MMP16: variants seen among roughly 807,000 people sequenced by gnomAD.
The protein encoded by MMP16 is matrix metallopeptidase 16, also known as matrix metalloproteinase-16.
Under a neutral mutation model 67.8 loss-of-function variants are expected in MMP16, and 12 were observed. The ratio of observed to expected loss-of-function variants is 0.18; its 90% CI spans 0.11 to 0.29. MMP16 has a LOEUF of 0.29. Ranked by LOEUF, MMP16 falls within the 10% of genes least tolerant of loss-of-function variation. The probability of loss-of-function intolerance (pLI) is 1.00; values close to 1 mark genes in which losing one functional copy is unlikely to be tolerated. For synonymous variants in MMP16, 249 were observed against 255.9 expected, an observed-to-expected ratio of 0.97 and a Z score of 0.26; for missense variants, 475 against 765.7, an observed-to-expected ratio of 0.62 and a Z score of 4.48.
At chr8:88,061,613 T>C (rs1808401399) in intron 7 of MMP16, among the ~76,000 whole-genome samples, 1 of 152,056 alleles carries the variant, frequency 6.6e-6, no homozygotes, top group Non-Finnish European at 1.5e-5. Flanking sequence ...CCCTGGTGCA[T>C]GGAGCAGGAG....
At position 88,038,691 on chromosome 8, in the gene MMP16, T is replaced by G. The variant is rs1808088860; in HGVS notation, c.*2770A>C. ...AACCCTCCCACAAGCAAACACTGTA[T>G]AAACGAGCTTATGTATATAGTCCTC... On this transcript the variant is annotated 3_prime_UTR_variant, in exon 10 of 10. Transcript: ENST00000286614. The surrounding 1 kb of genome is among the most constrained non-coding windows in gnomAD (Gnocchi z 4.1). 6.6e-6 allele frequency: 1 copy of G among 152,552 alleles called. No individual in the cohort carries two copies. Among genetic ancestry groups the G allele is most frequent in the African/African-American group, 2.4e-5 (1 of 41,438 alleles). The allele number at this position is 152,552 out of a possible 1,614,324, so 9.4% of individuals were successfully genotyped here. A position where few individuals can be genotyped will look rare whatever the true frequency, so the allele number is the denominator to read the frequency against.
At chr8:88,110,974 A>G (rs948823702) in intron 6 of MMP16, among the ~76,000 whole-genome samples, 2 of 151,716 alleles carry the variant, frequency 1.3e-5, no homozygotes, top group Non-Finnish European at 2.9e-5. Flanking sequence ...AGATATACTT[A>G]GCAAATATTT....
intron 1 of MMP16, among the ~76,000 whole-genome samples, chr8:88,236,726 G>A (rs927135030): frequency 3.3e-5 from 5 of 151,988 alleles, no homozygotes; most frequent in Non-Finnish European, 7.4e-5. Context: ...TCCAGCCTGG[G>A]TAAAAAGCGA....
At chr8:88,277,809 T>C (rs533473501) in intron 1 of MMP16, among the ~76,000 whole-genome samples, 16 of 152,344 alleles carry the variant, frequency 1.1e-4, no homozygotes, top group Middle Eastern at 3.4e-3. Flanking sequence ...ATTAGCTCTA[T>C]ATCATTGGGT....
At chr8:88,325,902 T>C (rs999415241) in intron 1 of MMP16, among the ~76,000 whole-genome samples, 2 of 152,202 alleles carry the variant, frequency 1.3e-5, no homozygotes, top group Admixed American at 1.3e-4. Flanking sequence ...AGAATATGCC[T>C]TTACACATGG....
At chr8:88,129,223 A>G (rs935502605) in intron 4 of MMP16, among the ~76,000 whole-genome samples, 6 of 151,792 alleles carry the variant, frequency 4.0e-5, no homozygotes, top group African/African-American at 1.4e-4. Context: ...TTAGTAATAG[A>G]ATTTAAAAGT....
At chr8:88,071,252 G>C (rs545184985) in intron 7 of MMP16, among the ~76,000 whole-genome samples, 1 of 152,060 alleles carries the variant, frequency 6.6e-6, no homozygotes, top group African/African-American at 2.4e-5. Flanking sequence ...TAACACAATA[G>C]TTATACTTTA....
At chr8:88,112,474 T>G (rs1809353187) in intron 6 of MMP16, among the ~76,000 whole-genome samples, 1 of 151,802 alleles carries the variant, frequency 6.6e-6, no homozygotes, top group African/African-American at 2.4e-5. Context: ...TTACAACAGC[T>G]TACACTCTTC....
intron 4 of MMP16, among the ~76,000 whole-genome samples, chr8:88,124,236 T>C (rs778262796): frequency 3.3e-5 from 5 of 151,974 alleles, no homozygotes; most frequent in Admixed American, 6.6e-5. Flanking sequence ...ATTAAAAAAA[T>C]AGTTTTTATA....
rs114991363 is a variant in MMP16, at chr8:88,193,600, T to A, written c.281+3558A>T. On this transcript the variant is annotated intron_variant, in intron 2 of 9. Coordinates refer to ENST00000286614, the MANE Select transcript of MMP16 (RefSeq NM_005941.5). ...TAAAAGAGTAAGATTGGAATGATCT[T>A]AACACAAATAAATGGCAAATGCTTG... 5.4e-3 allele frequency among the ~76,000 whole-genome samples: 825 copies of A among 152,160 alleles called. 4 individuals carry two copies. Among genetic ancestry groups the A allele is most frequent in the African/African-American group, 0.019 (777 of 41,538 alleles).
At chr8:88,270,074 G>T (rs1038440219) in intron 1 of MMP16, among the ~76,000 whole-genome samples, 6 of 152,056 alleles carry the variant, frequency 3.9e-5, no homozygotes, top group Non-Finnish European at 8.8e-5. Flanking sequence ...CAACACTTTT[G>T]GAATGTTACT....
intron 7 of MMP16, among the ~76,000 whole-genome samples, chr8:88,072,765 G>A (rs1808580414): frequency 6.6e-6 from 1 of 152,106 alleles, no homozygotes. Context: ...ATATAAACAA[G>A]TTCCATCTCT....
intron 8 of MMP16, among the ~76,000 whole-genome samples, chr8:88,053,594 AGG>A (rs1808296146): frequency 6.6e-6 from 1 of 152,160 alleles, no homozygotes; most frequent in African/African-American, 2.4e-5. Context: ...GTGGGAGAAG[AGG>A]GGAGAAATAA....
intron 4 of MMP16, among the ~76,000 whole-genome samples, chr8:88,162,395 T>C (rs1028208712): frequency 5.9e-5 from 9 of 152,020 alleles, no homozygotes; most frequent in African/African-American, 1.9e-4. Context: ...GAAAGCCGAA[T>C]TATTGAGAGA....
At chr8:88,063,112 A>G (rs1251527148) in intron 7 of MMP16, among the ~76,000 whole-genome samples, 2 of 152,122 alleles carry the variant, frequency 1.3e-5, no homozygotes, top group Non-Finnish European at 2.9e-5. Flanking sequence ...ACTAAAGGCC[A>G]AAAGGTTTTA....
At chr8:88,096,939 C>T (rs1286887929) in intron 6 of MMP16, among the ~76,000 whole-genome samples, 2 of 151,904 alleles carry the variant, frequency 1.3e-5, no homozygotes, top group African/African-American at 2.4e-5. Context: ...TTCTCTCAAT[C>T]TCTAACATTT....
At chr8:88,075,275 A>T (rs891795359) in intron 6 of MMP16, among the ~76,000 whole-genome samples, 3 of 152,172 alleles carry the variant, frequency 2.0e-5, no homozygotes, top group Non-Finnish European at 4.4e-5. Flanking sequence ...CAAGAAAAAT[A>T]GGCAAAATTA....
intron 1 of MMP16, among the ~76,000 whole-genome samples, chr8:88,304,559 C>T (rs1329024904): frequency 1.3e-5 from 2 of 152,164 alleles, no homozygotes; most frequent in African/African-American, 2.4e-5. Flanking sequence ...AAGGCCTAGC[C>T]ACCTACAAAG....
At chr8:88,056,599 A>T (rs1345207223) in intron 7 of MMP16, among the ~76,000 whole-genome samples, 1 of 152,102 alleles carries the variant, frequency 6.6e-6, no homozygotes, top group Admixed American at 6.6e-5. Flanking sequence ...AGGATGAAGG[A>T]TTCTTCCCCT....
Sources: allele counts gnomAD v4.1 joint callset (sites outside exome capture counted in the v4.1 genomes callset), GRCh38; gene constraint gnomAD v4.1.1; non-coding constraint Gnocchi (gnomAD v3.1); transcripts MANE v1.5; gene names NCBI Gene and HGNC (gene_info 2026-07-23, HGNC 2026-07-21).